FAIM2: variants seen among roughly 807,000 people sequenced by gnomAD.
FAIM2 encodes the protein protein lifeguard 2.
FAIM2 carries 27 observed loss-of-function variants against 47.4 expected under a neutral mutation model. That is an observed-to-expected ratio of 0.57 (90% confidence interval 0.42 to 0.78). FAIM2 has a LOEUF of 0.78. FAIM2 is among the 30% of genes least tolerant of loss of function. The probability of loss-of-function intolerance (pLI) is 0.00; values close to 1 mark genes in which losing one functional copy is unlikely to be tolerated. For missense variants in FAIM2, 311 were observed against 389.4 expected (o/e 0.80, Z 1.69); for synonymous variants, 156 against 159.3 (o/e 0.98, Z 0.16).
chr12:49,889,974 T>C (rs1266733976), intron 8 of FAIM2, 143 bp downstream of exon 8: 3 of 780,006 alleles, frequency 3.8e-6, no homozygotes, highest in Non-Finnish European at 4.3e-6. Flanking sequence ...CAGAGGACCC[T>C]AGGCCAAAGC....
chr12:49,880,471 T>TGC (rs1479999930), intron 11 of FAIM2, among the ~76,000 whole-genome samples: 11 of 144,016 alleles, frequency 7.6e-5, no homozygotes, highest in African/African-American at 2.8e-4. Flanking sequence ...TGTGTGTGCA[T>TGC]GAGTGCATGT....
Position 49,894,980 on chromosome 12 carries a change from T to C in FAIM2, c.434+2051A>G, listed in dbSNP as rs542204209. Among the ~76,000 whole-genome samples, 8 of 152,214 alleles carry C rather than the reference T, an allele frequency of 5.3e-5. No homozygotes were observed. In the South Asian group the frequency reaches 1.5e-3, roughly 28 times the overall value. On this transcript the variant is annotated intron_variant, in intron 5 of 11. Transcript: ENST00000320634. ...GAGTCCTCAGGGAGCACATGATGTG[T>C]TGCAGGAGGTGAGACCTACCAGGAC...
rs374982539 is a variant in FAIM2, at chr12:49,890,758, G to C, written c.486-36C>G. 29 of 1,605,544 alleles carry C rather than the reference G, an allele frequency of 1.8e-5. No individual in the cohort carries two copies. In the East Asian group the frequency reaches 3.3e-4, roughly 19 times the overall value. ...AGCCACAGAGTTCAGGGGATCGTAG[G>C]GGGTGGGGGCAGTGGACCCAGGCTG... is the stretch of plus-strand genomic sequence containing the variant. On this transcript the variant is annotated intron_variant, in intron 6 of 11. Transcript: ENST00000320634.
In FAIM2 at chr12:49,889,585, C is replaced by T. The variant is rs748479032; in HGVS notation, c.564-17G>A. 2.7e-5 allele frequency: 43 copies of T among 1,610,858 alleles called. No individual in the cohort carries two copies. Among genetic ancestry groups the T allele is most frequent in the South Asian group, 2.5e-4 (23 of 90,978 alleles). On this transcript the variant is annotated splice_polypyrimidine_tract_variant and intron_variant, in intron 8 of 11. Coordinates refer to ENST00000320634, the MANE Select transcript of FAIM2 (RefSeq NM_012306.4). The stretch of plus-strand genomic sequence containing the variant: ...TTGTAGTAGCTGAGGACCGTCAGGC[C>T]GAGGGGTCAGCTCTCAGGCAGGGCA...
At position 49,871,616 on chromosome 12, in the gene FAIM2, G is replaced by A. The variant is rs2336449; in HGVS notation, c.802-963C>T. Among the ~76,000 whole-genome samples the A allele has an allele frequency of 9.6e-3, 1,467 of 152,032 alleles. 26 individuals are homozygous for A. Among genetic ancestry groups the A allele is most frequent in the African/African-American group, 0.034 (1,390 of 41,448 alleles). On this transcript the variant is annotated intron_variant, in intron 11 of 11. Transcript: ENST00000320634. The stretch of plus-strand genomic sequence containing the variant: ...AAAAGTCCACCAGTATCTCAAAGGT[G>A]ATGAAGCACTGATCCACGTGGGATT...
At chr12:49,889,956 T>C (rs585255) in intron 8 of FAIM2, among the ~76,000 whole-genome samples, 161 bp downstream of exon 8, 2,240 of 151,974 alleles carry the variant, frequency 0.015, 50 homozygotes, top group African/African-American at 0.05. Flanking sequence ...TCCAGCTGAG[T>C]GCTCAAGCAG....
rs1323527872 is a variant in FAIM2 at position 49,879,688 on chromosome 12, GTGTC to G, written c.801+7694_801+7697del. ...TGTGAGTGTGTGCATGTGTGTATCT[GTGTC>G]TGTGTGCATGTGTGTGTGTGTGTAT... On this transcript the variant is annotated intron_variant, in intron 11 of 11. Coordinates refer to ENST00000320634, the MANE Select transcript of FAIM2 (RefSeq NM_012306.4). Among the ~76,000 whole-genome samples the G allele has an allele frequency of 1.3e-4, 13 of 103,198 alleles. No individual in the cohort carries two copies. In the East Asian group the frequency reaches 2.5e-3, roughly 20 times the overall value. The allele number at this position is 103,198 out of a possible 152,430, so 67.7% of individuals were successfully genotyped here. A position where few individuals can be genotyped will look rare whatever the true frequency, so the allele number is the denominator to read the frequency against.
intron 11 of FAIM2, among the ~76,000 whole-genome samples, chr12:49,877,944 A>G (rs1470671643): frequency 1.3e-5 from 2 of 149,460 alleles, no homozygotes; most frequent in African/African-American, 5.0e-5. Context: ...ATGTGTGTAT[A>G]TGTGCGTATG....
At chr12:49,880,718 G>A (rs371759168) in intron 11 of FAIM2, among the ~76,000 whole-genome samples, 46 of 60,644 alleles carry the variant, frequency 7.6e-4, no homozygotes, top group Admixed American at 5.2e-3. Context: ...GTGTACATGC[G>A]TGTATATGTG....
At position 49,874,029 on chromosome 12, in the gene FAIM2, C is replaced by A. The variant is rs555458203; in HGVS notation, c.802-3376G>T. Among the ~76,000 whole-genome samples, 60 of 152,194 alleles carry A rather than the reference C, an allele frequency of 3.9e-4. No individual in the cohort carries two copies. Among genetic ancestry groups the A allele is most frequent in the Non-Finnish European group, 7.8e-4 (53 of 68,046 alleles). On this transcript the variant is annotated intron_variant, in intron 11 of 11. Transcript: ENST00000320634. This position sits in a 1 kb window ranked among gnomAD's most constrained non-coding sequence, Gnocchi z 4.2. The stretch of plus-strand genomic sequence containing the variant: ...CTGCTATCTCCTTGGAGATGGAAAG[C>A]ATTGTTAACTAATGTCTTGGTTGAG...
At chr12:49,880,106 GTC>G (rs1239278248) in intron 11 of FAIM2, among the ~76,000 whole-genome samples, 26 of 150,924 alleles carry the variant, frequency 1.7e-4, no homozygotes, top group Admixed American at 3.3e-4. Context: ...GTATATGTGC[GTC>G]TGTGTATGTG....
At chr12:49,890,747 G>A in intron 6 of FAIM2, 25 bp from the exon 7 acceptor site, 1 of 1,611,364 alleles carries the variant, frequency 6.2e-7, no homozygotes, top group South Asian at 1.1e-5. Flanking sequence ...ACAGAGTTCA[G>A]GGGATCGTAG....
intron 2 of FAIM2, chr12:49,900,276 G>A (rs1946973507): frequency 4.1e-6 from 5 of 1,212,570 alleles, no homozygotes; most frequent in Admixed American, 2.6e-5. Flanking sequence ...CTCTGTCTGG[G>A]GCATTGTCTC....
At position 49,868,819 on chromosome 12, in the gene FAIM2, C is replaced by CA. The variant is rs1446126603; in HGVS notation, c.*1684dup. The CA allele has an allele frequency of 6.6e-6, 1 of 152,356 alleles. No homozygotes were observed. Among genetic ancestry groups the CA allele is most frequent in the Non-Finnish European group, 1.5e-5 (1 of 68,150 alleles). 9.4% of individuals were successfully genotyped at this position (152,356 alleles called of 1,614,324 possible). On this transcript the variant is annotated 3_prime_UTR_variant, in exon 12 of 12. Transcript: ENST00000320634. ...ACAGTGGGCATCTCACCCGTGCCCC[C>CA]AATGCCTTTGCTGCACACACACCAC...
chr12:49,891,867 G>C (rs1946902497), intron 5 of FAIM2, among the ~76,000 whole-genome samples: 1 of 152,206 alleles, frequency 6.6e-6, no homozygotes, highest in South Asian at 2.1e-4. Context: ...GGAGGATTGA[G>C]GATTTTCTGA....
In FAIM2 at chr12:49,879,233, T is replaced by C. The variant is rs28971533; in HGVS notation, c.801+8153A>G. 1.6e-5 allele frequency among the ~76,000 whole-genome samples: 2 copies of C among 128,016 alleles called. 1 individual carries two copies. Among genetic ancestry groups the C allele is most frequent in the African/African-American group, 6.6e-5 (2 of 30,270 alleles). The allele number at this position is 128,016 out of a possible 152,430, so 84.0% of individuals were successfully genotyped here. Reference sequence around the variant, plus strand: ...GAGTGTGTATGTGCATGTGTGTATGTATGCATGCATGTGTGTGCATGTGTG... The same window carrying C: ...GAGTGTGTATGTGCATGTGTGTATGCATGCATGCATGTGTGTGCATGTGTG... On this transcript the variant is annotated intron_variant, in intron 11 of 11. Transcript: ENST00000320634.
Position 49,870,438 on chromosome 12 carries a change from G to C in FAIM2, c.*66C>G, listed in dbSNP as rs755839832. 6.9e-7 allele frequency: 1 copy of C among 1,445,396 alleles called. No individual in the cohort carries two copies. The highest frequency in any genetic ancestry group is 1.4e-5 in the African/African-American group (1 of 71,180). 89.5% of individuals were successfully genotyped at this position (1,445,396 alleles called of 1,614,324 possible). A position where few individuals can be genotyped will look rare whatever the true frequency, so the allele number is the denominator to read the frequency against. On this transcript the variant is annotated 3_prime_UTR_variant, in exon 12 of 12. Transcript: ENST00000320634. ...GTTTTATATCTGGTCTCGCAGGAGC[G>C]CAGGGGAGGGACAGGGAACCAGGAG...
chr12:49,891,665 G>A (rs1946901229), intron 5 of FAIM2, among the ~76,000 whole-genome samples: 1 of 152,134 alleles, frequency 6.6e-6, no homozygotes, highest in Non-Finnish European at 1.5e-5. Flanking sequence ...ATTACCTGGA[G>A]TGATCTTGTT....
chr12:49,891,200 C>A, intron 5 of FAIM2, 86 bp from the exon 6 acceptor site: 2 of 1,285,166 alleles, frequency 1.6e-6, no homozygotes, highest in South Asian at 1.2e-5. Context: ...CTCTCTGCCA[C>A]CCCCACCCAC....
Sources: allele counts gnomAD v4.1 joint callset (sites outside exome capture counted in the v4.1 genomes callset), GRCh38; gene constraint gnomAD v4.1.1; non-coding constraint Gnocchi (gnomAD v3.1); transcripts MANE v1.5; gene names NCBI Gene and HGNC (gene_info 2026-07-23, HGNC 2026-07-21).